Variants in ZNF730 observed in about 807,000 individuals in gnomAD.
The protein encoded by ZNF730 is zinc finger protein 730, also known as putative zinc finger protein 730.
A neutral mutation model predicts 12.6 loss-of-function variants in ZNF730; 12 were observed. The ratio of observed to expected loss-of-function variants is 0.95; its 90% CI spans 0.61 to 1.54. ZNF730 has a LOEUF of 1.54. Ranked by LOEUF, ZNF730 falls within the 40% of genes most tolerant of loss-of-function variation. ZNF730 has a pLI of 0.00. For missense variants in ZNF730, 643 were observed against 583.5 expected (o/e 1.10, Z -1.05); for synonymous variants, 194 against 195.8 (o/e 0.99, Z 0.08).
chr19:23,136,101 G>GA lies in ZNF730; in HGVS notation c.226+66dup, dbSNP rs909589625. On this transcript the variant is annotated intron_variant, in intron 3 of 3. Transcript: ENST00000597761. ...ATAAGAGATCTATAGTTTAAAAAAA[G>GA]AAAAAAAACCAGTTTTTAAAATAAT... The GA allele has an allele frequency of 1.5e-4, 183 of 1,246,266 alleles. 1 individual carries two copies. The East Asian group carries it at 1.8e-3, about 12-fold the overall frequency. The allele number at this position is 1,246,266 out of a possible 1,614,324, so 77.2% of individuals were successfully genotyped here.
At chr19:23,077,498 C>CA (rs1196287879) in intron 1 of ZNF730, among the ~76,000 whole-genome samples, 5 of 120,650 alleles carry the variant, frequency 4.1e-5, no homozygotes, top group Non-Finnish European at 8.0e-5. Flanking sequence ...AGTGCAGTAG[C>CA]AGTGTCTTGG....
intron 1 of ZNF730, among the ~76,000 whole-genome samples, chr19:23,085,864 G>A (rs1280227390): frequency 1.7e-4 from 1 of 5,814 alleles, no homozygotes; most frequent in African/African-American, 5.9e-4. Context: ...TTTTTTTTTT[G>A]AGATGGAGTC....
At chr19:23,094,981 G>A (rs1599574693) in intron 1 of ZNF730, 1 of 164,668 alleles carries the variant, frequency 6.1e-6, no homozygotes, top group African/African-American at 2.4e-5. Flanking sequence ...GCCTCATCTG[G>A]TTATATTTTT....
At chr19:23,078,636 A>G (rs1424003912) in intron 1 of ZNF730, among the ~76,000 whole-genome samples, 2 of 151,998 alleles carry the variant, frequency 1.3e-5, no homozygotes, top group East Asian at 1.9e-4. Flanking sequence ...GGTCCTCCAC[A>G]TGCTGAGCGC....
At chr19:23,078,163 G>C (rs1007592374) in intron 1 of ZNF730, among the ~76,000 whole-genome samples, 2 of 152,144 alleles carry the variant, frequency 1.3e-5, no homozygotes, top group Non-Finnish European at 2.9e-5. Flanking sequence ...ATGGGTAAAG[G>C]GTCTGTCCTG....
In ZNF730 at chr19:23,128,368, G is replaced by A. The variant is rs1316292160; in HGVS notation, c.4-5712G>A. The A allele has an allele frequency of 3.3e-5, 16 of 486,380 alleles. No individual in the cohort carries two copies. In the East Asian group the frequency reaches 6.8e-4, roughly 21 times the overall value. The allele number at this position is 486,380 out of a possible 1,614,324, so 30.1% of individuals were successfully genotyped here. ...ATACATAAACAAAAGCGTAACTCCA[G>A]ACTTGAAGGAGATGCATAAGAAAGC... On this transcript the variant is annotated intron_variant, in intron 1 of 3. Coordinates refer to ENST00000597761, the MANE Select transcript of ZNF730 (RefSeq NM_001277403.2).
intron 1 of ZNF730, among the ~76,000 whole-genome samples, chr19:23,087,267 G>A (rs1970078925): frequency 1.3e-5 from 2 of 152,076 alleles, no homozygotes; most frequent in Admixed American, 1.3e-4. Context: ...AATTAGCCAG[G>A]CATGGTGGCG....
rs1294943430 is a variant in ZNF730 at position 23,133,253 on chromosome 19, G to C, written c.4-827G>C. 2.0e-5 allele frequency among the ~76,000 whole-genome samples: 3 copies of C among 152,106 alleles called. No individual in the cohort carries two copies. The East Asian group carries it at 5.8e-4, about 29-fold the overall frequency. ...AAAAACTGGAAAAAAAAGACTACAGGCTCTTCCAGTTACTCCATATTTGAC... is the reference window on the plus strand; with the variant it reads ...AAAAACTGGAAAAAAAAGACTACAGCCTCTTCCAGTTACTCCATATTTGAC... On this transcript the variant is annotated intron_variant, in intron 1 of 3. Coordinates refer to ENST00000597761, the MANE Select transcript of ZNF730 (RefSeq NM_001277403.2).
At chr19:23,136,628 G>T (rs886944872) in intron 3 of ZNF730, among the ~76,000 whole-genome samples, 1 of 151,472 alleles carries the variant, frequency 6.6e-6, no homozygotes, top group East Asian at 1.9e-4. Flanking sequence ...TGAGAATAGT[G>T]GTTTCTGTTT....
intron 1 of ZNF730, among the ~76,000 whole-genome samples, 173 bp from the exon 2 acceptor site, chr19:23,133,901 CAGAGTT>C (rs1169079751): frequency 1.3e-5 from 2 of 152,258 alleles, no homozygotes; most frequent in Non-Finnish European, 2.9e-5. Flanking sequence ...TCTCTTTTCT[CAGAGTT>C]AGAGTATATT....
rs371902463 is a variant in ZNF730 at position 23,106,362 on chromosome 19, CAG to C, written c.-93-27714_-93-27713del. ...TCAAATCTTATGAAACTGAACATCA[CAG>C]AGAATAAATTTTCCTCTGCAAAACA... is the stretch of plus-strand genomic sequence containing the variant. On this transcript the variant is annotated intron_variant, in intron 1 of 2. Coordinates refer to the ZNF730 transcript ENST00000593635. 6.6e-4 allele frequency among the ~76,000 whole-genome samples: 100 copies of C among 152,050 alleles called. 1 individual carries two copies. Among genetic ancestry groups the C allele is most frequent in the African/African-American group, 2.3e-3 (97 of 41,454 alleles).
chr19:23,135,467 A>T (rs1970815449), intron 2 of ZNF730, among the ~76,000 whole-genome samples: 1 of 151,800 alleles, frequency 6.6e-6, no homozygotes, highest in Non-Finnish European at 1.5e-5. Flanking sequence ...TTAAGAACCT[A>T]TAAAATTAAA....
In ZNF730 at chr19:23,106,724, A is replaced by G. The variant is rs369504613; in HGVS notation, c.-93-27356A>G. Among the ~76,000 whole-genome samples the G allele has an allele frequency of 2.2e-3, 327 of 148,752 alleles. 2 individuals are homozygous for G. The highest frequency in any genetic ancestry group is 0.017 in the Middle Eastern group (5 of 294). On this transcript the variant is annotated intron_variant, in intron 1 of 2. Coordinates refer to the ZNF730 transcript ENST00000593635. ...GAGAATCACTTGAACCCAGAGGTGTATGTTATGAAGAGCCAAGATCGTGCC... is the reference window on the plus strand; with the variant it reads ...GAGAATCACTTGAACCCAGAGGTGTGTGTTATGAAGAGCCAAGATCGTGCC...
At chr19:23,087,893 G>A (rs925760477) in intron 1 of ZNF730, among the ~76,000 whole-genome samples, 3 of 152,106 alleles carry the variant, frequency 2.0e-5, no homozygotes, top group East Asian at 3.9e-4. Context: ...GATTACAGGT[G>A]TGAGCCACCA....
At chr19:23,088,483 T>C (rs1261857786) in intron 1 of ZNF730, among the ~76,000 whole-genome samples, 1 of 152,136 alleles carries the variant, frequency 6.6e-6, no homozygotes, top group Admixed American at 6.6e-5. Flanking sequence ...TTTCTCCAGA[T>C]GGTGTCTCAC....
chr19:23,132,359 A>T (rs1970754744), intron 1 of ZNF730, among the ~76,000 whole-genome samples: 1 of 152,070 alleles, frequency 6.6e-6, no homozygotes. Context: ...GGTTGTGTCC[A>T]CTCTGCCTGC....
intron 3 of ZNF730, among the ~76,000 whole-genome samples, chr19:23,137,830 A>C (rs1970854910): frequency 6.6e-6 from 1 of 152,154 alleles, no homozygotes. Context: ...GTCCAACTTT[A>C]GTTGACTTGT....
chr19:23,131,824 A>G (rs1277121748), intron 1 of ZNF730, among the ~76,000 whole-genome samples: 1 of 152,222 alleles, frequency 6.6e-6, no homozygotes, highest in Non-Finnish European at 1.5e-5. Flanking sequence ...AAAGCTGGAG[A>G]GGCAATGCTT....
intron 3 of ZNF730, among the ~76,000 whole-genome samples, chr19:23,139,346 T>C (rs1970881074): frequency 6.6e-6 from 1 of 152,168 alleles, no homozygotes; most frequent in Non-Finnish European, 1.5e-5. Flanking sequence ...AAATTATTTT[T>C]AGTTTCTTTT....
Sources: allele counts gnomAD v4.1 joint callset (sites outside exome capture counted in the v4.1 genomes callset), GRCh38; gene constraint gnomAD v4.1.1; transcripts MANE v1.5; gene names NCBI Gene and HGNC (gene_info 2026-07-23, HGNC 2026-07-21).